Variants in CNTNAP2 observed in about 807,000 individuals in gnomAD.
CNTNAP2 encodes contactin-associated protein-like 2.
Under a neutral mutation model 155.2 loss-of-function variants are expected in CNTNAP2, and 98 were observed. That is an observed-to-expected ratio of 0.63 (90% CI 0.54 to 0.75). The LOEUF is 0.75. Among genes scored for constraint, CNTNAP2 ranks in the 30% least tolerant of loss-of-function variants. The pLI, the probability that CNTNAP2 is intolerant of heterozygous loss-of-function variation, is 0.00. For missense variants in CNTNAP2, 1,727 were observed against 1,688.1 expected, an observed-to-expected ratio of 1.02 and a Z score of -0.40; for synonymous variants, 651 against 631.2, an observed-to-expected ratio of 1.03 and a Z score of -0.47.
chr7:146,377,132 C>T (rs1795314932), intron 1 of CNTNAP2, among the ~76,000 whole-genome samples: 1 of 152,148 alleles, frequency 6.6e-6, no homozygotes, highest in African/African-American at 2.4e-5. Flanking sequence ...CTAGGCTCTC[C>T]ACTGAGTCTA....
intron 8 of CNTNAP2, among the ~76,000 whole-genome samples, chr7:147,247,233 C>T (rs535876479): frequency 1.3e-5 from 2 of 152,250 alleles, no homozygotes; most frequent in East Asian, 3.9e-4. Flanking sequence ...CTTAGTAATA[C>T]AAATGAGTAA....
In CNTNAP2 at chr7:146,485,813, A is replaced by C. The variant is rs1797046320; in HGVS notation, c.98-288458A>C. Among the ~76,000 whole-genome samples, 4 of 152,228 alleles carry C rather than the reference A, an allele frequency of 2.6e-5. 1 individual carries two copies. The South Asian group carries it at 8.3e-4, about 32-fold the overall frequency. On this transcript the variant is annotated intron_variant, in intron 1 of 23. Transcript: ENST00000361727. Reference sequence around the variant, plus strand: ...AATCTGTACAAAAAAAACCCATGACACAAATTACCTATTAACAAACCTGCA... The same window carrying C: ...AATCTGTACAAAAAAAACCCATGACCCAAATTACCTATTAACAAACCTGCA...
intron 1 of CNTNAP2, among the ~76,000 whole-genome samples, chr7:146,342,654 A>G (rs1007503247): frequency 3.3e-5 from 5 of 152,200 alleles, no homozygotes; most frequent in Non-Finnish European, 7.4e-5. Flanking sequence ...GTTACACAGA[A>G]TAAGGTGTAT....
chr7:147,804,928 C>T (rs1798066061), intron 13 of CNTNAP2, among the ~76,000 whole-genome samples: 1 of 152,160 alleles, frequency 6.6e-6, no homozygotes, highest in Admixed American at 6.5e-5. Flanking sequence ...GTTCTTAGAA[C>T]CCTACATTGA....
intron 1 of CNTNAP2, among the ~76,000 whole-genome samples, chr7:146,335,861 CTTA>C (rs1235793590): frequency 6.6e-6 from 1 of 151,962 alleles, no homozygotes; most frequent in Non-Finnish European, 1.5e-5. Context: ...GACTCTATTC[CTTA>C]AAACAAGGAA....
intron 1 of CNTNAP2, among the ~76,000 whole-genome samples, chr7:146,665,183 A>G (rs972540414): frequency 2.0e-5 from 3 of 152,126 alleles, no homozygotes; most frequent in South Asian, 4.1e-4. Context: ...TCCTGACCTC[A>G]GGTGATCTGC....
chr7:146,571,710 C>T (rs546421163), intron 1 of CNTNAP2, among the ~76,000 whole-genome samples: 102 of 149,266 alleles, frequency 6.8e-4, no homozygotes, highest in African/African-American at 2.3e-3. Context: ...GGCATTTAAA[C>T]ATTTAAAAAC....
At chr7:147,639,969 C>T (rs574230579) in intron 13 of CNTNAP2, among the ~76,000 whole-genome samples, 17 of 152,164 alleles carry the variant, frequency 1.1e-4, no homozygotes, top group African/African-American at 3.1e-4. Flanking sequence ...GCAGTAAATT[C>T]GAGATGTTGT....
At chr7:146,489,422 A>C (rs1797106214) in intron 1 of CNTNAP2, among the ~76,000 whole-genome samples, 1 of 152,190 alleles carries the variant, frequency 6.6e-6, no homozygotes, top group Admixed American at 6.5e-5. Context: ...AGTAGTAATA[A>C]TAATGTGTAT....
rs770172459 is a variant in CNTNAP2, at chr7:148,295,495, A to AT, written c.3475+28383dup. Among the ~76,000 whole-genome samples the AT allele has an allele frequency of 8.8e-3, 1,287 of 145,948 alleles. 13 individuals carry two copies. The highest frequency in any genetic ancestry group is 0.033 in the East Asian group (165 of 5,012). On this transcript the variant is annotated intron_variant, in intron 21 of 23. Transcript: ENST00000361727. The stretch of plus-strand genomic sequence containing the variant: ...AATGATAGAGTGAATATTTTAATCA[A>AT]TTTTTTTTTTTTTTGAGACGGAGTC...
chr7:147,352,804 GATAAA>G (rs1337535282), intron 9 of CNTNAP2, among the ~76,000 whole-genome samples: 1 of 151,922 alleles, frequency 6.6e-6, no homozygotes, highest in African/African-American at 2.4e-5. Context: ...GCAGTAGATA[GATAAA>G]ATTATTCTTT....
chr7:146,356,637 A>G (rs1795002434), intron 1 of CNTNAP2, among the ~76,000 whole-genome samples: 1 of 152,216 alleles, frequency 6.6e-6, no homozygotes, highest in Non-Finnish European at 1.5e-5. Flanking sequence ...AAAATGATGC[A>G]AAATGGATAA....
At chr7:147,194,567 C>T (rs1382530905) in intron 8 of CNTNAP2, among the ~76,000 whole-genome samples, 1 of 152,090 alleles carries the variant, frequency 6.6e-6, no homozygotes, top group Non-Finnish European at 1.5e-5. Context: ...CCTATTTCTC[C>T]ACATCCTCTC....
rs551904981 is a variant in CNTNAP2, at chr7:146,402,877, C to T, written c.97+285904C>T. ...CTTTGAATAACTTAATCAAATGCGG[C>T]TCTGGATTGCATAATTATAGTTTAC... On this transcript the variant is annotated intron_variant, in intron 1 of 23. Coordinates refer to ENST00000361727, the MANE Select transcript of CNTNAP2 (RefSeq NM_014141.6). 2.0e-5 allele frequency among the ~76,000 whole-genome samples: 3 copies of T among 152,170 alleles called. No individual in the cohort carries two copies. The South Asian group carries it at 6.2e-4, about 32-fold the overall frequency.
At chr7:147,457,526 C>T (rs1462335568) in intron 10 of CNTNAP2, among the ~76,000 whole-genome samples, 1 of 150,568 alleles carries the variant, frequency 6.6e-6, no homozygotes, top group African/African-American at 2.5e-5. Context: ...AATTTATCTC[C>T]TGTCGTGAGA....
chr7:146,816,646 T>C (rs1803176522), intron 2 of CNTNAP2, among the ~76,000 whole-genome samples: 1 of 152,210 alleles, frequency 6.6e-6, no homozygotes, highest in South Asian at 2.1e-4. Context: ...GTTTGTTTCT[T>C]GTTTGGTTGG....
intron 15 of CNTNAP2, among the ~76,000 whole-genome samples, chr7:148,071,835 T>C (rs1341123167): frequency 6.6e-6 from 1 of 152,212 alleles, no homozygotes; most frequent in African/African-American, 2.4e-5. Context: ...TTGAGGCTTA[T>C]TTATTTTTTG....
intron 2 of CNTNAP2, among the ~76,000 whole-genome samples, chr7:146,807,861 C>T (rs1802995631): frequency 6.6e-6 from 1 of 152,092 alleles, no homozygotes; most frequent in African/African-American, 2.4e-5. Flanking sequence ...TGGCTGTCTG[C>T]CCACTCCTTC....
At chr7:146,716,381 T>TAAA (rs1801189344) in intron 1 of CNTNAP2, among the ~76,000 whole-genome samples, 3 of 146,928 alleles carry the variant, frequency 2.0e-5, no homozygotes, top group Non-Finnish European at 2.9e-5. Flanking sequence ...TTAAAAAAAC[T>TAAA]CAAAACAAAA....
Sources: allele counts gnomAD v4.1 joint callset (sites outside exome capture counted in the v4.1 genomes callset), GRCh38; gene constraint gnomAD v4.1.1; transcripts MANE v1.5; gene names NCBI Gene and HGNC (gene_info 2026-07-23, HGNC 2026-07-21).